Variants in OPA1 observed in about 807,000 individuals in gnomAD.
The protein encoded by OPA1 is OPA1 mitochondrial dynamin like GTPase.
In OPA1, 59 loss-of-function variants were observed where a neutral mutation model predicts 152.9. The observed-to-expected ratio is 0.39, with a 90% confidence interval of 0.31 to 0.48. OPA1 has a LOEUF of 0.48. Ranked by LOEUF, OPA1 falls within the 20% of genes least tolerant of loss-of-function variation. The probability of loss-of-function intolerance (pLI) is 0.96; values close to 1 mark genes in which losing one functional copy is unlikely to be tolerated. For missense variants in OPA1, 1,008 were observed against 1,216.8 expected (o/e 0.83, Z 2.55); for synonymous variants, 400 against 389.9 (o/e 1.03, Z -0.31).
chr3:193,607,102 G>T (rs556315804), intron 1 of OPA1, among the ~76,000 whole-genome samples: 27 of 152,222 alleles, frequency 1.8e-4, no homozygotes, highest in African/African-American at 4.1e-4. Context: ...TCACCCACTT[G>T]TTGATGGGGT....
intron 1 of OPA1, among the ~76,000 whole-genome samples, chr3:193,595,385 A>G (rs1326139880): frequency 1.3e-5 from 2 of 152,260 alleles, no homozygotes; most frequent in Non-Finnish European, 2.9e-5. Context: ...TGATATATTG[A>G]TTAAAAGTGA....
chr3:193,651,710 A>G (rs917396607), intron 21 of OPA1, among the ~76,000 whole-genome samples: 2 of 152,212 alleles, frequency 1.3e-5, no homozygotes, highest in Non-Finnish European at 2.9e-5. Context: ...TAGATTTAAA[A>G]AAGGGATTTA....
intron 11 of OPA1, among the ~76,000 whole-genome samples, chr3:193,641,601 T>C (rs1026818632): frequency 3.9e-5 from 6 of 152,370 alleles, no homozygotes; most frequent in African/African-American, 1.4e-4. Context: ...AGTTTTTCTC[T>C]TGGGCCTTTG....
chr3:193,658,898 A>G lies in OPA1; in HGVS notation c.2343A>G (p.Gln781=). 6.2e-7 allele frequency: 1 copy of G among 1,613,156 alleles called. No homozygotes were observed. The highest frequency in any genetic ancestry group is 1.7e-4 in the Middle Eastern group (1 of 6,054). Residue 781 remains glutamine, a synonymous_variant, in exon 24 of 31, where the codon CAA becomes CAG. Coordinates refer to ENST00000361510, the MANE Select transcript of OPA1 (RefSeq NM_130837.3). ...CTTGTTATTTTCAGAGGGTTATTCA[A>G]CACAATGCTTTGGAAGACCGATCCA... The part of the protein sequence containing the change: ...DFAEDSLRVI[Q]HNALEDRSIS...
chr3:193,620,498 A>G (rs1266510513), intron 6 of OPA1, among the ~76,000 whole-genome samples: 1 of 152,204 alleles, frequency 6.6e-6, no homozygotes, highest in African/African-American at 2.4e-5. Flanking sequence ...TTATTACATT[A>G]TGTTCTAATT....
intron 29 of OPA1, among the ~76,000 whole-genome samples, chr3:193,676,708 T>C (rs2935304): frequency 0.51 from 77,457 of 151,656 alleles, 20,123 homozygotes; most frequent in East Asian, 0.69. Context: ...TGGCCGGGTG[T>C]GGTGGCTCAC....
At chr3:193,615,571 T>C in intron 2 of OPA1, 103 bp from the exon 3 acceptor site, 1 of 776,460 alleles carries the variant, frequency 1.3e-6, no homozygotes, top group Non-Finnish European at 2.3e-6. Context: ...TTGAACATAA[T>C]ACATTATTCT....
chr3:193,652,249 G>A (rs879652157), intron 21 of OPA1, among the ~76,000 whole-genome samples: 10 of 152,146 alleles, frequency 6.6e-5, no homozygotes, highest in Non-Finnish European at 1.5e-4. Context: ...AGGCATGGTG[G>A]TGCACGCTTG....
chr3:193,631,030 G>A (rs888658568), intron 7 of OPA1, among the ~76,000 whole-genome samples: 5 of 152,122 alleles, frequency 3.3e-5, no homozygotes, highest in Admixed American at 1.3e-4. Flanking sequence ...CCTTGGAACT[G>A]AATTTAAAAG....
intron 29 of OPA1, among the ~76,000 whole-genome samples, chr3:193,670,985 C>T (rs892898283): frequency 6.6e-6 from 1 of 152,058 alleles, no homozygotes; most frequent in African/African-American, 2.4e-5. Flanking sequence ...TCCAACTGGC[C>T]AGGCTGGGGA....
At chr3:193,618,738 C>T (rs1386541295) in intron 5 of OPA1, 131 bp from the exon 6 acceptor site, 8 of 749,758 alleles carry the variant, frequency 1.1e-5, no homozygotes, top group African/African-American at 7.1e-5. Flanking sequence ...AGAATAAAGG[C>T]GATTTGATTC....
intron 7 of OPA1, among the ~76,000 whole-genome samples, chr3:193,628,947 C>T (rs1402878762): frequency 6.6e-6 from 1 of 152,048 alleles, no homozygotes; most frequent in Non-Finnish European, 1.5e-5. Flanking sequence ...GAGTTTCGCT[C>T]TTGTTGCTTA....
At chr3:193,610,795 A>G (rs1728107837) in intron 1 of OPA1, among the ~76,000 whole-genome samples, 1 of 152,216 alleles carries the variant, frequency 6.6e-6, no homozygotes, top group Non-Finnish European at 1.5e-5. Context: ...CTGCTGTGCT[A>G]GCAATGAGCG....
chr3:193,613,650 T>G (rs111607137), intron 1 of OPA1, among the ~76,000 whole-genome samples: 4,559 of 152,096 alleles, frequency 0.03, 66 homozygotes, highest in African/African-American at 0.035. Flanking sequence ...TGATCTCAGC[T>G]TACTGCAACC....
chr3:193,612,611 C>T (rs1577149010), intron 1 of OPA1, among the ~76,000 whole-genome samples: 1 of 152,054 alleles, frequency 6.6e-6, no homozygotes, highest in Non-Finnish European at 1.5e-5. Context: ...AAAACTTCTC[C>T]ATTGTGGCCA....
chr3:193,663,978 C>T (rs1044791753), intron 26 of OPA1, among the ~76,000 whole-genome samples: 1 of 151,868 alleles, frequency 6.6e-6, no homozygotes, highest in Non-Finnish European at 1.5e-5. Flanking sequence ...TTATGTGGCA[C>T]GTTGGTGAAT....
chr3:193,612,513 G>A (rs185050577), intron 1 of OPA1, among the ~76,000 whole-genome samples: 2 of 152,110 alleles, frequency 1.3e-5, no homozygotes, highest in East Asian at 1.9e-4. Flanking sequence ...AGGCCTTTGC[G>A]TATCCATGAG....
At chr3:193,630,496 G>C (rs1054987637) in intron 7 of OPA1, among the ~76,000 whole-genome samples, 3 of 152,116 alleles carry the variant, frequency 2.0e-5, no homozygotes, top group African/African-American at 7.2e-5. Context: ...TTCATAGCAT[G>C]GACAAGACTT....
At chr3:193,658,766 T>G in intron 23 of OPA1, 121 bp from the exon 24 acceptor site, 3 of 715,520 alleles carry the variant, frequency 4.2e-6, no homozygotes, top group Non-Finnish European at 7.5e-6. Context: ...AAGGATATAT[T>G]TTTATGCTGG....
Sources: gnomAD v4.1 joint callset for allele counts (sites outside exome capture counted in the v4.1 genomes callset) on GRCh38, gnomAD v4.1.1 for gene constraint, MANE v1.5 for transcripts, NCBI Gene and HGNC (gene_info 2026-07-23, HGNC 2026-07-21) for gene names.